Variants in HS3ST4 observed in about 807,000 individuals in gnomAD.
HS3ST4 encodes heparan sulfate glucosamine 3-O-sulfotransferase 4.
In HS3ST4, 17 loss-of-function variants were observed where a neutral mutation model predicts 29.2. That is an observed-to-expected ratio of 0.58 (90% CI 0.40 to 0.87). HS3ST4 has a LOEUF of 0.87. HS3ST4 is among the 40% of genes least tolerant of loss of function. The pLI, the probability that HS3ST4 is intolerant of heterozygous loss-of-function variation, is 0.00. For synonymous variants in HS3ST4, 314 were observed against 285.7 expected, an observed-to-expected ratio of 1.10 and a Z score of -1.00; for missense variants, 627 against 634.5, an observed-to-expected ratio of 0.99 and a Z score of 0.13.
chr16:25,915,933 T>C (rs1968289261), intron 1 of HS3ST4, among the ~76,000 whole-genome samples: 1 of 152,152 alleles, frequency 6.6e-6, no homozygotes, highest in African/African-American at 2.4e-5. Context: ...ATACGGCATG[T>C]TAAGGGCTTA....
intron 1 of HS3ST4, among the ~76,000 whole-genome samples, chr16:26,129,251 T>G (rs543968239): frequency 1.3e-4 from 20 of 152,350 alleles, no homozygotes; most frequent in African/African-American, 4.3e-4. Context: ...ATAGCTCAGC[T>G]TTGCAGAACA....
chr16:26,070,115 C>T (rs1157925007), intron 1 of HS3ST4, among the ~76,000 whole-genome samples: 1 of 152,132 alleles, frequency 6.6e-6, no homozygotes, highest in South Asian at 2.1e-4. Context: ...AGTTCTAGAT[C>T]CCTGAGGAAT....
intron 1 of HS3ST4, among the ~76,000 whole-genome samples, chr16:25,892,253 G>A (rs578059051): frequency 6.6e-6 from 1 of 152,326 alleles, no homozygotes; most frequent in South Asian, 2.1e-4. Context: ...TTAGGGGCAG[G>A]CATGCGGCAA....
At chr16:26,054,673 T>C (rs1898386408) in intron 1 of HS3ST4, among the ~76,000 whole-genome samples, 3 of 152,150 alleles carry the variant, frequency 2.0e-5, no homozygotes, top group Admixed American at 6.5e-5. Flanking sequence ...TGGTGGTAAT[T>C]ACCCCCATCA....
intron 1 of HS3ST4, among the ~76,000 whole-genome samples, chr16:25,824,559 A>C (rs537875138): frequency 3.9e-5 from 6 of 152,186 alleles, no homozygotes; most frequent in African/African-American, 1.4e-4. Context: ...CGTATTCACT[A>C]TCAAGAGAAC....
At chr16:26,083,966 G>A (rs1006058492) in intron 1 of HS3ST4, among the ~76,000 whole-genome samples, 1 of 152,176 alleles carries the variant, frequency 6.6e-6, no homozygotes, top group African/African-American at 2.4e-5. Context: ...AATTACAGTA[G>A]AGTGTCAAAT....
chr16:26,056,719 T>C (rs1000363991), intron 1 of HS3ST4, among the ~76,000 whole-genome samples: 1 of 152,234 alleles, frequency 6.6e-6, no homozygotes, highest in Non-Finnish European at 1.5e-5. Context: ...ATCATTGTGT[T>C]TCCCACAGTA....
intron 1 of HS3ST4, among the ~76,000 whole-genome samples, chr16:25,951,202 A>C (rs563415107): frequency 6.6e-6 from 1 of 152,180 alleles, no homozygotes; most frequent in Non-Finnish European, 1.5e-5. Flanking sequence ...GCATTCCTAC[A>C]TGAGGCCCCA....
rs529323915 is a variant in HS3ST4, at chr16:25,926,138, G to A, written c.735-209474G>A. ...CCAAGGTTTTTAGAAAATTTACATC[G>A]TTGTGCAGCCATCACTACAATCCAA... On this transcript the variant is annotated intron_variant, in intron 1 of 1. Transcript: ENST00000331351. Among the ~76,000 whole-genome samples, 9 of 152,056 alleles carry A rather than the reference G, an allele frequency of 5.9e-5. No homozygotes were observed. The South Asian group carries it at 1.0e-3, about 18-fold the overall frequency.
intron 1 of HS3ST4, among the ~76,000 whole-genome samples, chr16:26,042,541 C>T (rs118123743): frequency 0.021 from 3,211 of 152,268 alleles, 50 homozygotes; most frequent in Non-Finnish European, 0.033. Context: ...GATGGCGTGG[C>T]GATTACCCGG....
At chr16:25,914,072 G>A (rs547008152) in intron 1 of HS3ST4, among the ~76,000 whole-genome samples, 2 of 148,972 alleles carry the variant, frequency 1.3e-5, no homozygotes, top group Admixed American at 1.3e-4. Context: ...CACGGAGTGT[G>A]TGTGTGGGGG....
chr16:25,866,679 G>A (rs1967698005), intron 1 of HS3ST4, among the ~76,000 whole-genome samples: 1 of 152,090 alleles, frequency 6.6e-6, no homozygotes, highest in Admixed American at 6.5e-5. Flanking sequence ...ACAGGAGAGA[G>A]AGCATTAAGA....
intron 1 of HS3ST4, among the ~76,000 whole-genome samples, chr16:25,936,344 C>T (rs764781448): frequency 3.9e-5 from 6 of 152,132 alleles, no homozygotes; most frequent in Admixed American, 6.6e-5. Flanking sequence ...GTGGTAATTA[C>T]TGAGACATGA....
intron 1 of HS3ST4, among the ~76,000 whole-genome samples, chr16:25,728,087 C>T (rs994152604): frequency 4.6e-5 from 7 of 152,148 alleles, no homozygotes; most frequent in South Asian, 2.1e-4. Context: ...CTGCAACCTT[C>T]GACTCCCTGG....
At chr16:25,854,684 T>C (rs1452583424) in intron 1 of HS3ST4, among the ~76,000 whole-genome samples, 2 of 152,034 alleles carry the variant, frequency 1.3e-5, no homozygotes, top group African/African-American at 4.8e-5. Flanking sequence ...CCTTAAATAC[T>C]CTTTCTCAGA....
chr16:25,808,279 A>G (rs1479579267), intron 1 of HS3ST4, among the ~76,000 whole-genome samples: 1 of 152,206 alleles, frequency 6.6e-6, no homozygotes, highest in Non-Finnish European at 1.5e-5. Flanking sequence ...TTAAGTGCAC[A>G]ATCCATTTTT....
chr16:25,703,898 C>T (rs1341977535), intron 1 of HS3ST4, among the ~76,000 whole-genome samples: 1 of 152,204 alleles, frequency 6.6e-6, no homozygotes, highest in African/African-American at 2.4e-5. Context: ...ATAACTTCTT[C>T]CACTTCTGAG....
chr16:25,858,050 T>A (rs948801466), intron 1 of HS3ST4, among the ~76,000 whole-genome samples: 1 of 151,156 alleles, frequency 6.6e-6, no homozygotes, highest in Non-Finnish European at 1.5e-5. Context: ...CTTCTTTCTC[T>A]TTCTTTCTTT....
intron 1 of HS3ST4, among the ~76,000 whole-genome samples, chr16:25,743,458 A>G (rs1031410717): frequency 6.6e-6 from 1 of 152,200 alleles, no homozygotes; most frequent in African/African-American, 2.4e-5. Context: ...TCGGCATATC[A>G]GAGGAGGCTG....
Sources: gnomAD v4.1 joint callset for allele counts (sites outside exome capture counted in the v4.1 genomes callset) on GRCh38, gnomAD v4.1.1 for gene constraint, MANE v1.5 for transcripts, NCBI Gene and HGNC (gene_info 2026-07-23, HGNC 2026-07-21) for gene names.